The following MYH16 variants were observed in gnomAD, a reference collection of about 807,000 sequenced individuals.
MYH16 encodes the protein myosin heavy chain 16.
chr7:99,242,751 C>T (rs1298226199), intron 1 of MYH16, among the ~76,000 whole-genome samples: 1 of 152,198 alleles, frequency 6.6e-6, no homozygotes, highest in African/African-American at 2.4e-5. Flanking sequence ...CCTTGTTCCA[C>T]TCTTCCCCCC....
At chr7:99,255,040 A>G (rs1376605431) in intron 8 of MYH16, among the ~76,000 whole-genome samples, 1 of 152,188 alleles carries the variant, frequency 6.6e-6, no homozygotes, top group Non-Finnish European at 1.5e-5. Context: ...AGGCCGAGGC[A>G]GGCAGATCAT....
intron 2 of MYH16, among the ~76,000 whole-genome samples, chr7:99,247,173 G>C (rs148768700): frequency 6.6e-6 from 1 of 152,112 alleles, no homozygotes; most frequent in Non-Finnish European, 1.5e-5. Flanking sequence ...GCTGGGTTTC[G>C]TTGTTTTTGT....
exon 33 of MYH16, chr7:99,294,141 C>A (rs534804857): frequency 2.2e-6 from 1 of 455,892 alleles, no homozygotes; most frequent in East Asian, 7.0e-5. Flanking sequence ...TCACCATCGA[C>A]TTGGAGAAGG....
intron 27 of MYH16, 119 bp downstream of exon 9, chr7:99,285,557 A>G: frequency 2.4e-6 from 1 of 411,128 alleles, no homozygotes; most frequent in Non-Finnish European, 4.8e-6. Flanking sequence ...CCAGCTAAAA[A>G]GTCTAGTTGC....
chr7:99,281,950 G>C (rs1475736119), intron 23 of MYH16, among the ~76,000 whole-genome samples: 2 of 152,218 alleles, frequency 1.3e-5, no homozygotes, highest in African/African-American at 4.8e-5. Context: ...CCCTTGCCCT[G>C]TGATTTTCAA....
chr7:99,297,942 A>C, exon 36 of MYH16: 1 of 456,730 alleles, frequency 2.2e-6, no homozygotes, highest in Non-Finnish European at 4.4e-6. Flanking sequence ...CTCAGGTTAA[A>C]GCTGACATCG....
At chr7:99,310,152 C>A (rs1377189825), downstream of MYH16, among the ~76,000 whole-genome samples, 4 of 152,008 alleles carry the variant, frequency 2.6e-5, no homozygotes, top group African/African-American at 4.8e-5. Context: ...GAATTCCAGA[C>A]AGAAGGCCCA....
chr7:99,257,896 C>G (rs1791890164), intron 10 of MYH16, among the ~76,000 whole-genome samples: 1 of 152,182 alleles, frequency 6.6e-6, no homozygotes, highest in African/African-American at 2.4e-5. Flanking sequence ...ATCCTCCTAC[C>G]TTAACCTCCC....
At chr7:99,307,500 A>C (rs1792698453), downstream of MYH16, among the ~76,000 whole-genome samples, 1 of 152,060 alleles carries the variant, frequency 6.6e-6, no homozygotes, top group Non-Finnish European at 1.5e-5. Context: ...AAGGGGGAAA[A>C]TGGTTTAAGC....
Position 99,287,887 on chromosome 7 carries a change from C to T in MYH16, n.3461-5C>T, listed in dbSNP as rs1792302728. On this transcript the variant is annotated splice_polypyrimidine_tract_variant and splice_region_variant and intron_variant and non_coding_transcript_variant, in intron 28 of 41. Transcript: ENST00000439784. ...TTCTGCTAAGCTGCTCCTCCTCTAC[C>T]CCAGATCGAGCAGAACCGCAAGCGG... The T allele has an allele frequency of 2.2e-6, 1 of 454,864 alleles. No individual in the cohort carries two copies. The highest frequency in any genetic ancestry group is 1.6e-5 in the South Asian group (1 of 64,506). The allele number at this position is 454,864 out of a possible 1,614,324, so 28.2% of individuals were successfully genotyped here. A position where few individuals can be genotyped will look rare whatever the true frequency, so the allele number is the denominator to read the frequency against.
intron 32 of MYH16, 85 bp downstream of exon 13, chr7:99,292,593 G>T (rs1792403187): frequency 4.7e-6 from 2 of 422,410 alleles, no homozygotes; most frequent in Admixed American, 2.5e-5. Flanking sequence ...TCACTGCTGA[G>T]GCCAGGGCCA....
At chr7:99,240,503 A>G (rs1791654860) in intron 1 of MYH16, among the ~76,000 whole-genome samples, 4 of 152,246 alleles carry the variant, frequency 2.6e-5, no homozygotes, top group African/African-American at 4.8e-5. Flanking sequence ...ATGTGTGTTC[A>G]GCAATAAATA....
At position 99,257,347 on chromosome 7, in the gene MYH16, G is replaced by A. The variant is rs542153826; in HGVS notation, n.1042G>A. On this transcript the variant is annotated non_coding_transcript_exon_variant, in exon 10 of 42. Coordinates refer to ENST00000439784, the Ensembl canonical transcript of MYH16. ...CTTCAGCGCCGAGGAGAAGATGGCC[G>A]TGTATAAGCTGACGGGAGGTATCAT... 6 of 175,740 alleles carry A rather than the reference G, an allele frequency of 3.4e-5. No individual in the cohort carries two copies. The South Asian group carries it at 5.7e-4, about 17-fold the overall frequency. The allele number at this position is 175,740 out of a possible 1,614,324, so 10.9% of individuals were successfully genotyped here.
chr7:99,301,127 G>A (rs1792587557), intron 37 of MYH16, among the ~76,000 whole-genome samples: 1 of 149,730 alleles, frequency 6.7e-6, no homozygotes, highest in African/African-American at 2.5e-5. Context: ...CCCGGGAGGC[G>A]GAGATTGTAG....
At chr7:99,259,373 G>A (rs1284536570) in intron 11 of MYH16, among the ~76,000 whole-genome samples, 2 of 152,164 alleles carry the variant, frequency 1.3e-5, no homozygotes, top group Non-Finnish European at 1.5e-5. Context: ...CAGCACTTTG[G>A]GAGGCAAAGG....
chr7:99,247,746 T>C (rs7799650), exon 3 of MYH16: 169,521 of 179,602 alleles, frequency 0.94, 80,098 homozygotes, highest in Middle Eastern at 0.98. Flanking sequence ...ACGACATGCT[T>C]ATGGGTGCGT....
chr7:99,269,693 G>T (rs1792024857), intron 18 of MYH16, among the ~76,000 whole-genome samples: 1 of 152,120 alleles, frequency 6.6e-6, no homozygotes, highest in Non-Finnish European at 1.5e-5. Flanking sequence ...TCCATGACGT[G>T]CTTTTATCGC....
exon 31 of MYH16, chr7:99,291,368 G>C: frequency 2.2e-6 from 1 of 456,682 alleles, no homozygotes; most frequent in Non-Finnish European, 4.4e-6. Context: ...TCCCAGAGCC[G>C]GCTCAATCAA....
intron 39 of MYH16, among the ~76,000 whole-genome samples, 191 bp from the exon 21 acceptor site, chr7:99,304,395 T>G (rs1205415874): frequency 6.6e-6 from 1 of 151,742 alleles, no homozygotes; most frequent in African/African-American, 2.4e-5. Context: ...TGGCTCCCCC[T>G]CCCCTCTCGG....
Sources: gnomAD v4.1 joint callset for allele counts (sites outside exome capture counted in the v4.1 genomes callset) on GRCh38, gnomAD v4.1.1 for gene constraint, MANE v1.5 for transcripts, NCBI Gene and HGNC (gene_info 2026-07-23, HGNC 2026-07-21) for gene names.